The following SEMA3C variants were observed in gnomAD, a reference collection of about 807,000 sequenced individuals.
SEMA3C encodes semaphorin-3C.
SEMA3C carries 47 observed loss-of-function variants against 89.4 expected under a neutral mutation model. The observed-to-expected ratio is 0.53, with a 90% confidence interval of 0.42 to 0.67. The LOEUF is 0.67. Ranked by LOEUF, SEMA3C falls within the 30% of genes least tolerant of loss-of-function variation. The probability of loss-of-function intolerance (pLI) is 0.00; values close to 1 mark genes in which losing one functional copy is unlikely to be tolerated. For missense variants in SEMA3C, 839 were observed against 929.1 expected (o/e 0.90, Z 1.26); for synonymous variants, 310 against 320.2 (o/e 0.97, Z 0.34).
chr7:80,898,911 T>A (rs964169235), intron 2 of SEMA3C, among the ~76,000 whole-genome samples: 5 of 151,978 alleles, frequency 3.3e-5, no homozygotes, highest in African/African-American at 1.2e-4. Flanking sequence ...TGGCCTAAAT[T>A]GGTTTATAGG....
intron 2 of SEMA3C, among the ~76,000 whole-genome samples, chr7:80,873,215 T>A (rs1332732949): frequency 6.6e-6 from 1 of 151,078 alleles, no homozygotes. Flanking sequence ...AGAGAGCCAC[T>A]GTGGTGAGAC....
At chr7:80,786,273 A>G (rs1013408533) in intron 12 of SEMA3C, among the ~76,000 whole-genome samples, 1 of 152,236 alleles carries the variant, frequency 6.6e-6, no homozygotes. Context: ...TTTGTGCAAA[A>G]GTATGCTTCT....
chr7:80,777,976 C>T (rs1788589736), intron 12 of SEMA3C, among the ~76,000 whole-genome samples: 1 of 152,094 alleles, frequency 6.6e-6, no homozygotes, highest in Non-Finnish European at 1.5e-5. Context: ...TGTCTGTCCT[C>T]ATAAAAATAT....
At chr7:80,912,509 G>A (rs1372565521) in intron 2 of SEMA3C, among the ~76,000 whole-genome samples, 1 of 152,174 alleles carries the variant, frequency 6.6e-6, no homozygotes, top group Non-Finnish European at 1.5e-5. Context: ...ACTCACAAGT[G>A]AATTCATCAA....
At chr7:80,770,113 G>C (rs766964775) in intron 12 of SEMA3C, among the ~76,000 whole-genome samples, 2 of 152,126 alleles carry the variant, frequency 1.3e-5, no homozygotes, top group East Asian at 1.9e-4. Context: ...AGAAAGTACT[G>C]AGTGAGTTGG....
At chr7:80,809,389 G>A (rs1405828753) in intron 6 of SEMA3C, among the ~76,000 whole-genome samples, 1 of 152,100 alleles carries the variant, frequency 6.6e-6, no homozygotes, top group Admixed American at 6.5e-5. Context: ...AAACACAGGA[G>A]TGCAGACAAC....
chr7:80,906,852 C>T (rs1388394470), intron 2 of SEMA3C, among the ~76,000 whole-genome samples: 1 of 152,048 alleles, frequency 6.6e-6, no homozygotes, highest in Non-Finnish European at 1.5e-5. Flanking sequence ...ATTCTGTAGC[C>T]AAGCGGTAGG....
At chr7:80,920,939 T>C (rs1324112818), upstream of SEMA3C, among the ~76,000 whole-genome samples, 1 of 152,208 alleles carries the variant, frequency 6.6e-6, no homozygotes, top group Non-Finnish European at 1.5e-5. Context: ...ATTAGAAAGA[T>C]GAGTGTGTGG....
intron 2 of SEMA3C, among the ~76,000 whole-genome samples, chr7:80,886,560 G>C (rs760560476): frequency 1.3e-5 from 2 of 151,942 alleles, no homozygotes; most frequent in Non-Finnish European, 2.9e-5. Context: ...CACCATGTTG[G>C]TCAGGCTGGT....
intron 2 of SEMA3C, among the ~76,000 whole-genome samples, chr7:80,884,291 A>G (rs1186259870): frequency 1.3e-5 from 2 of 152,152 alleles, no homozygotes; most frequent in Non-Finnish European, 2.9e-5. Flanking sequence ...AATTGAGATT[A>G]GTCCAAAATC....
intron 10 of SEMA3C, 45 bp from the exon 11 acceptor site, chr7:80,798,281 A>G: frequency 7.5e-7 from 1 of 1,335,506 alleles, no homozygotes; most frequent in South Asian, 1.9e-5. Flanking sequence ...TTTTAAAATT[A>G]AAATACAATT....
intron 2 of SEMA3C, among the ~76,000 whole-genome samples, chr7:80,838,614 G>C (rs1790192401): frequency 6.6e-6 from 1 of 152,088 alleles, no homozygotes; most frequent in South Asian, 2.1e-4. Flanking sequence ...TAGTACTTGG[G>C]ACTGGGCAAT....
intron 2 of SEMA3C, among the ~76,000 whole-genome samples, chr7:80,834,416 G>T (rs980996358): frequency 1.4e-4 from 22 of 152,032 alleles, no homozygotes; most frequent in Non-Finnish European, 2.8e-4. Flanking sequence ...AGAACAATAG[G>T]TTTCCCCAAA....
At chr7:80,893,493 T>C (rs1791664071) in intron 2 of SEMA3C, among the ~76,000 whole-genome samples, 1 of 152,200 alleles carries the variant, frequency 6.6e-6, no homozygotes, top group Non-Finnish European at 1.5e-5. Flanking sequence ...TGATTGCTAA[T>C]AATATCATCT....
At chr7:80,821,635 GCA>G (rs1378732308) in intron 4 of SEMA3C, among the ~76,000 whole-genome samples, 1 of 152,182 alleles carries the variant, frequency 6.6e-6, no homozygotes, top group Non-Finnish European at 1.5e-5. Context: ...TAGCCAGGAT[GCA>G]CAGTTGTTTT....
rs76019143 is a variant in SEMA3C, at chr7:80,767,148, G to A, written c.1355-1905C>T. On this transcript the variant is annotated intron_variant, in intron 12 of 17. Transcript: ENST00000265361. The stretch of plus-strand genomic sequence containing the variant: ...CTTTTACTCCTGCTCTAAAACTTGC[G>A]TTGGTCTCTCACTCCGCCTTAGGCC... Among the ~76,000 whole-genome samples, 3,672 of 152,188 alleles carry A rather than the reference G, an allele frequency of 0.024. 274 individuals carry two copies. In the East Asian group the frequency reaches 0.29, roughly 12 times the overall value.
Position 80,765,147 on chromosome 7 carries a change from G to A in SEMA3C, c.1443+8C>T. On this transcript the variant is annotated splice_region_variant and intron_variant, in intron 13 of 17. Transcript: ENST00000265361. ...ATGTTCTGAGATTAATAGAAGAGAT[G>A]TTCAAACCTTAAAGACTTCCAGCTC... The A allele has an allele frequency of 6.2e-7, 1 of 1,604,002 alleles. No individual in the cohort carries two copies. The highest frequency in any genetic ancestry group is 8.5e-7 in the Non-Finnish European group (1 of 1,172,142).
At chr7:80,838,830 C>CCCATGATCCAATTACCTCCCA (rs1188186237) in intron 2 of SEMA3C, among the ~76,000 whole-genome samples, 5 of 152,120 alleles carry the variant, frequency 3.3e-5, no homozygotes, top group African/African-American at 1.2e-4. Context: ...CAAAACCGCC[C>CCCATGATCCAATTACCTCCCA]CCATGATCCA....
At chr7:80,756,200 G>A (rs1788061734) in intron 15 of SEMA3C, among the ~76,000 whole-genome samples, 1 of 152,172 alleles carries the variant, frequency 6.6e-6, no homozygotes, top group Non-Finnish European at 1.5e-5. Flanking sequence ...TTCTCAGGAA[G>A]TGACATCTAC....
Sources: allele counts gnomAD v4.1 joint callset (sites outside exome capture counted in the v4.1 genomes callset), GRCh38; gene constraint gnomAD v4.1.1; transcripts MANE v1.5; gene names NCBI Gene and HGNC (gene_info 2026-07-23, HGNC 2026-07-21).